Variants in NEK6 observed in about 807,000 individuals in gnomAD.
The protein encoded by NEK6 is NIMA related kinase 6, also known as serine/threonine-protein kinase Nek6.
A neutral mutation model predicts 43.5 loss-of-function variants in NEK6; 27 were observed. That is an observed-to-expected ratio of 0.62 (90% CI 0.46 to 0.86). The LOEUF is 0.86. Ranked by LOEUF, NEK6 falls within the 40% of genes least tolerant of loss-of-function variation. The pLI, the probability that NEK6 is intolerant of heterozygous loss-of-function variation, is 0.00. For synonymous variants in NEK6, 167 were observed against 164.1 expected, an observed-to-expected ratio of 1.02 and a Z score of -0.14; for missense variants, 318 against 414.4, an observed-to-expected ratio of 0.77 and a Z score of 2.02.
chr9:124,311,516 G>A (rs1478500399), intron 2 of NEK6, among the ~76,000 whole-genome samples: 4 of 152,200 alleles, frequency 2.6e-5, no homozygotes, highest in African/African-American at 9.6e-5. Flanking sequence ...CTGCACAGGT[G>A]TCCTGGGGTC....
In NEK6 at chr9:124,351,012, C is replaced by T. The variant is rs992491277; in HGVS notation, c.*65C>T. 24 of 1,121,844 alleles carry T rather than the reference C, an allele frequency of 2.1e-5. No homozygotes were observed. The highest frequency in any genetic ancestry group is 2.9e-5 in the Non-Finnish European group (22 of 757,584). The allele number at this position is 1,121,844 out of a possible 1,614,324, so 69.5% of individuals were successfully genotyped here. A position where few individuals can be genotyped will look rare whatever the true frequency, so the allele number is the denominator to read the frequency against. On this transcript the variant is annotated 3_prime_UTR_variant, in exon 10 of 10. Transcript: ENST00000320246. ...TGCCTTACTTGAGTCGTCTTCTCTTCGAGTGGCCACCTGGTAGCCTAGAAC... is the reference window on the plus strand; with the variant it reads ...TGCCTTACTTGAGTCGTCTTCTCTTTGAGTGGCCACCTGGTAGCCTAGAAC...
chr9:124,313,967 G>C lies in NEK6; in HGVS notation c.276G>C (p.Lys92Asn). The change falls in exon 4 of 10, where the codon AAG becomes AAC. Residue 92 changes from lysine to asparagine, a missense_variant. Transcript: ENST00000320246. ...CCAAGGCGAGGCAGGACTGTGTCAAGGAGATCGGCCTCTTGAAGGTGAGCA... is the reference window on the plus strand; with the variant it reads ...CCAAGGCGAGGCAGGACTGTGTCAACGAGATCGGCCTCTTGAAGGTGAGCA... ...MDAKARQDCVKEIGLLKQLNH... is the reference protein window; with the variant it reads ...MDAKARQDCVNEIGLLKQLNH... 1 of 1,614,210 alleles carries C rather than the reference G, an allele frequency of 6.2e-7. No homozygotes were observed.
chr9:124,347,845 C>T, intron 9 of NEK6, 23 bp downstream of exon 9: 1 of 1,502,540 alleles, frequency 6.7e-7, no homozygotes, highest in Non-Finnish European at 9.2e-7. Context: ...GAGCCGGAGG[C>T]CTCGCCAGCC....
chr9:124,342,798 A>G (rs576460491), intron 8 of NEK6, among the ~76,000 whole-genome samples: 2 of 150,714 alleles, frequency 1.3e-5, no homozygotes, highest in East Asian at 4.2e-4. Context: ...CCTGTCTCCC[A>G]TGAACCATGG....
chr9:124,257,810 G>A, upstream of NEK6: 2 of 1,375,560 alleles, frequency 1.5e-6, no homozygotes, highest in East Asian at 2.8e-5. Context: ...GCGGAGTCGA[G>A]GGGTCCAGGC....
intron 2 of NEK6, among the ~76,000 whole-genome samples, chr9:124,310,720 C>T (rs1230535728): frequency 6.6e-6 from 1 of 152,210 alleles, no homozygotes; most frequent in Non-Finnish European, 1.5e-5. Context: ...GCCTCGGCCT[C>T]CCAAATGGCT....
At chr9:124,260,799 A>G (rs999373373) in intron 1 of NEK6, among the ~76,000 whole-genome samples, 4 of 152,192 alleles carry the variant, frequency 2.6e-5, no homozygotes, top group African/African-American at 9.7e-5. Context: ...CACGATGCCC[A>G]TTTACAGATG....
intron 1 of NEK6, among the ~76,000 whole-genome samples, chr9:124,277,559 C>CT (rs1831696651): frequency 6.6e-6 from 1 of 152,216 alleles, no homozygotes. Context: ...CTCAGCCTCT[C>CT]TCGGCTTTCC....
At chr9:124,328,778 G>A (rs1828812626) in intron 7 of NEK6, among the ~76,000 whole-genome samples, 1 of 152,330 alleles carries the variant, frequency 6.6e-6, no homozygotes, top group African/African-American at 2.4e-5. Context: ...AGAGACCAGC[G>A]ACTCCCAGCA....
In NEK6 at chr9:124,324,771, C is replaced by T. The variant is rs572693876; in HGVS notation, c.406-1559C>T. On this transcript the variant is annotated intron_variant, in intron 5 of 9. Transcript: ENST00000320246. The surrounding 1 kb of genome is among the most constrained non-coding windows in gnomAD (Gnocchi z 5.3). ...GGGCTCCCCACTGCGACTGTCCCAC[C>T]GTGGGAAGCACCCAGACCTGGGTCC... 3.9e-5 allele frequency among the ~76,000 whole-genome samples: 6 copies of T among 152,132 alleles called. No individual in the cohort carries two copies. The highest frequency in any genetic ancestry group is 6.5e-5 in the Admixed American group (1 of 15,272).
intron 8 of NEK6, among the ~76,000 whole-genome samples, chr9:124,344,582 C>T (rs1202266053): frequency 1.3e-5 from 2 of 152,236 alleles, no homozygotes; most frequent in South Asian, 2.1e-4. Context: ...CAACAATGCC[C>T]GAGCTTGGGA....
chr9:124,280,165 CCCA>C (rs137906344), intron 1 of NEK6, among the ~76,000 whole-genome samples: 12,203 of 152,286 alleles, frequency 0.08, 831 homozygotes, highest in East Asian at 0.35. Context: ...GTTCACACCG[CCCA>C]AAGAAACTTC....
At chr9:124,296,910 C>T (rs1437031956) in intron 1 of NEK6, among the ~76,000 whole-genome samples, 1 of 152,244 alleles carries the variant, frequency 6.6e-6, no homozygotes, top group Non-Finnish European at 1.5e-5. Flanking sequence ...AGAGCCAGCC[C>T]ATTACAGCAG....
At chr9:124,291,240 A>G (rs1291900635) in intron 1 of NEK6, among the ~76,000 whole-genome samples, 2 of 152,210 alleles carry the variant, frequency 1.3e-5, no homozygotes, top group African/African-American at 4.8e-5. Context: ...AACTTGAACC[A>G]GGACTGCCGC....
At chr9:124,292,820 C>G (rs1325373730) in intron 1 of NEK6, 1 of 1,433,730 alleles carries the variant, frequency 7.0e-7, no homozygotes, top group East Asian at 2.6e-5. Context: ...GGTTTAGTCT[C>G]TACCCTCAAG....
intron 1 of NEK6, among the ~76,000 whole-genome samples, chr9:124,277,759 C>T (rs187521891): frequency 1.3e-5 from 2 of 152,342 alleles, no homozygotes; most frequent in Middle Eastern, 3.4e-3. Context: ...CCCGCGTTCA[C>T]GGGAGCGCGC....
Position 124,326,783 on chromosome 9 carries a change from C to T in NEK6, c.514+345C>T, listed in dbSNP as rs1039056541. Among the ~76,000 whole-genome samples, 1 of 152,164 alleles carries T rather than the reference C, an allele frequency of 6.6e-6. No individual in the cohort carries two copies. The highest frequency in any genetic ancestry group is 1.5e-5 in the Non-Finnish European group (1 of 68,008). ...GGGCTGGGCTGAGAAGGGGAGGCACCTGAGAGGGGTGTTTCCACAGTTGAC... is the reference window on the plus strand; with the variant it reads ...GGGCTGGGCTGAGAAGGGGAGGCACTTGAGAGGGGTGTTTCCACAGTTGAC... On this transcript the variant is annotated intron_variant, in intron 6 of 9. Transcript: ENST00000320246. The surrounding 1 kb of genome is among the most constrained non-coding windows in gnomAD (Gnocchi z 4.5).
intron 2 of NEK6, among the ~76,000 whole-genome samples, chr9:124,311,244 G>C: frequency 6.6e-6 from 1 of 152,250 alleles, no homozygotes; most frequent in East Asian, 1.9e-4. Context: ...GCCCGGCTCA[G>C]TGTGACCCTC....
At chr9:124,325,272 G>A (rs1015892991) in intron 5 of NEK6, among the ~76,000 whole-genome samples, 6 of 152,116 alleles carry the variant, frequency 3.9e-5, no homozygotes, top group Non-Finnish European at 5.9e-5. Flanking sequence ...CCTCAGTTTC[G>A]TTTCCCTGTC....
Sources: gnomAD v4.1 joint callset for allele counts (sites outside exome capture counted in the v4.1 genomes callset) on GRCh38, gnomAD v4.1.1 for gene constraint, Gnocchi (gnomAD v3.1) non-coding constraint, MANE v1.5 for transcripts, NCBI Gene and HGNC (gene_info 2026-07-23, HGNC 2026-07-21) for gene names.